ITIH4: variants seen among roughly 807,000 people sequenced by gnomAD.
ITIH4 encodes inter-alpha-trypsin inhibitor heavy chain H4.
In ITIH4, 79 loss-of-function variants were observed where a neutral mutation model predicts 111.8. The ratio of observed to expected loss-of-function variants is 0.71; its 90% CI spans 0.59 to 0.85. The LOEUF is 0.85. Ranked by LOEUF, ITIH4 falls within the 40% of genes least tolerant of loss-of-function variation. The probability of loss-of-function intolerance (pLI) is 0.00; values close to 1 mark genes in which losing one functional copy is unlikely to be tolerated. For synonymous variants in ITIH4, 472 were observed against 468.3 expected (o/e 1.01, Z -0.10); for missense variants, 1,065 against 1,195.8 (o/e 0.89, Z 1.61).
intron 2 of ITIH4, among the ~76,000 whole-genome samples, chr3:52,828,394 C>T (rs955112133): frequency 6.6e-6 from 1 of 152,206 alleles, no homozygotes; most frequent in African/African-American, 2.4e-5. Flanking sequence ...GAGACTAGCC[C>T]CCACTGCAGT....
At chr3:52,817,144 C>T (rs1700293159) in intron 20 of ITIH4, 86 bp from the exon 21 acceptor site, 1 of 1,157,092 alleles carries the variant, frequency 8.6e-7, no homozygotes, top group Non-Finnish European at 1.2e-6. Flanking sequence ...CTGATCACAC[C>T]CCCTGGAGTT....
rs754348864 is a variant in ITIH4 at position 52,825,891 on chromosome 3, T to C, written c.754A>G (p.Ile252Val). ...CTTGCCTGAAGTCCACCCACCTGAA[T>C]GGAGCCCCCGGAGATGGCCCGGTCC... ...DVDRAISGGSIQIENGYFVHY... is the reference protein window; with the variant it reads ...DVDRAISGGSVQIENGYFVHY... Residue 252 changes from isoleucine (I) to valine (V), a missense_variant, in exon 6 of 24, where the codon ATT becomes GTT. Physicochemically the swap from Ile to Val is conservative, Grantham distance 29. Transcript: ENST00000266041. 2.2e-5 allele frequency: 35 copies of C among 1,613,556 alleles called. No individual in the cohort carries two copies. Among genetic ancestry groups the C allele is most frequent in the Non-Finnish European group, 3.0e-5 (35 of 1,179,802 alleles).
intron 11 of ITIH4, among the ~76,000 whole-genome samples, chr3:52,821,543 G>T (rs986823535): frequency 2.0e-5 from 3 of 152,186 alleles, no homozygotes; most frequent in South Asian, 2.1e-4. Flanking sequence ...AGAGAGGGAA[G>T]GACCTTCCCA....
Position 52,824,412 on chromosome 3 carries a change from T to A in ITIH4, c.1030A>T (p.Ile344Phe). The A allele has an allele frequency of 1.2e-6, 2 of 1,614,158 alleles. No homozygotes were observed. Among genetic ancestry groups the A allele is most frequent in the Non-Finnish European group, 1.7e-6 (2 of 1,180,018 alleles). The change falls in exon 8 of 24, where the codon ATC (isoleucine) becomes TTC (phenylalanine). Residue 344 changes from isoleucine (I) to phenylalanine (F), a missense_variant. Physicochemically the swap from Ile to Phe is conservative, Grantham distance 21. Coordinates refer to ENST00000266041, the MANE Select transcript of ITIH4 (RefSeq NM_002218.5). This position sits in a 1 kb window ranked among gnomAD's most constrained non-coding sequence, Gnocchi z 4.3. Reference sequence around the variant, plus strand: ...AGACACTTACCTCCCAGGGCCTGGATGCCCGCAGCAAAGCTCCTGGCCTTG... The same window carrying A: ...AGACACTTACCTCCCAGGGCCTGGAAGCCCGCAGCAAAGCTCCTGGCCTTG... ...VNKARSFAAG[I>F]QALGGTNIND...
intron 14 of ITIH4, 127 bp from the exon 15 acceptor site, chr3:52,820,117 G>A (rs879161799): frequency 7.1e-6 from 9 of 1,270,408 alleles, no homozygotes; most frequent in Non-Finnish European, 9.1e-6. Flanking sequence ...ATGCACAGGC[G>A]ACTAAATGCA....
Position 52,826,000 on chromosome 3 carries a change from G to C in ITIH4, c.645C>G (p.Phe215Leu). Residue 215 changes from phenylalanine to leucine, a missense_variant, in exon 6 of 24, where the codon TTC becomes TTG. By Grantham distance (22) the Phe-to-Leu change is conservative. Transcript: ENST00000266041. ...TTTGCTGCTGGGAAAGTGTTGGCTT[G>C]AACCGGATGTGAGCCTGGAGGAATA... ...WQNKTKAHIR[F>L]KPTLSQQQKS... 2.5e-6 allele frequency: 4 copies of C among 1,614,148 alleles called. No homozygotes were observed. The highest frequency in any genetic ancestry group is 3.4e-6 in the Non-Finnish European group (4 of 1,179,998).
intron 1 of ITIH4, 81 bp from the exon 2 acceptor site, chr3:52,829,360 G>T: frequency 6.8e-7 from 1 of 1,463,186 alleles, no homozygotes; most frequent in Non-Finnish European, 9.3e-7. Context: ...AGTTGGCCCT[G>T]ACTCTGGCTC....
Position 52,827,181 on chromosome 3 carries a change from TCATGC to T in ITIH4, c.263_267del (p.Gly88AspfsTer11). 6.2e-7 allele frequency: 1 copy of T among 1,613,994 alleles called. No homozygotes were observed. Among genetic ancestry groups the T allele is most frequent in the Non-Finnish European group, 8.5e-7 (1 of 1,179,922 alleles). On this transcript the variant is annotated frameshift_variant, in exon 3 of 24. Coordinates refer to ENST00000266041, the MANE Select transcript of ITIH4 (RefSeq NM_002218.5). LOFTEE classifies it high-confidence loss of function. ...TTCTCCTTGATGATCCCTGGGTAGG[TCATGC>T]CATCGATGATCCTGGGGGCAGAAGG...
chr3:52,818,559 C>T, intron 17 of ITIH4, 23 bp from the exon 18 acceptor site: 2 of 1,583,460 alleles, frequency 1.3e-6, no homozygotes, highest in Non-Finnish European at 1.7e-6. Context: ...CATCCGGAAA[C>T]AGAAAGGGAG....
At chr3:52,822,567 G>A (rs1043026301) in intron 11 of ITIH4, among the ~76,000 whole-genome samples, 1 of 152,158 alleles carries the variant, frequency 6.6e-6, no homozygotes, top group Admixed American at 6.5e-5. Context: ...TTTATGAGGG[G>A]GGCATGCGAC....
chr3:52,826,992 G>A (rs759384574), intron 3 of ITIH4, 39 bp from the exon 4 acceptor site: 1 of 1,613,682 alleles, frequency 6.2e-7, no homozygotes, highest in South Asian at 1.1e-5. Flanking sequence ...CTCCAGGACA[G>A]GTGGGGTAAG....
At chr3:52,815,844 C>G (rs1700271589) in intron 21 of ITIH4, among the ~76,000 whole-genome samples, 1 of 151,904 alleles carries the variant, frequency 6.6e-6, no homozygotes, top group Non-Finnish European at 1.5e-5. Flanking sequence ...CGCCACCATA[C>G]CTAGCTAGTT....
At chr3:52,825,591 G>A (rs1700468178) in intron 6 of ITIH4, among the ~76,000 whole-genome samples, 1 of 152,148 alleles carries the variant, frequency 6.6e-6, no homozygotes, top group African/African-American at 2.4e-5. Flanking sequence ...CCAGAAACTA[G>A]TGTGAAAGAA....
At position 52,818,491 on chromosome 3, in the gene ITIH4, A is replaced by G. The variant is rs1700318771; in HGVS notation, c.2123T>C (p.Val708Ala). The stretch of plus-strand genomic sequence containing the variant: ...GATTTTCATATTCATGACACGAGAC[A>G]CAGCTGGATCAGGATTTGAGGTGGC... ...PPATSNPDPA[V>A]SRVMNMKIEE... The change falls in exon 18 of 24, where the codon GTG (valine) becomes GCG (alanine). Residue 708 changes from valine to alanine, a missense_variant. Val to Ala is a moderately conservative substitution (Grantham distance 64). Transcript: ENST00000266041. 6.2e-7 allele frequency: 1 copy of G among 1,605,864 alleles called. No homozygotes were observed. Among genetic ancestry groups the G allele is most frequent in the African/African-American group, 1.3e-5 (1 of 74,692 alleles).
Position 52,824,822 on chromosome 3 carries a change from CCCTG to C in ITIH4, c.876+16_876+19del. On this transcript the variant is annotated intron_variant, in intron 7 of 23. Transcript: ENST00000266041. This position sits in a 1 kb window ranked among gnomAD's most constrained non-coding sequence, Gnocchi z 4.3. ...GGGCCTGGGAGTTTTCAGGGCCCTG[CCCTG>C]GGCCACAGGACCTACCTGCTGGATT... The C allele has an allele frequency of 6.3e-7, 1 of 1,581,568 alleles. No individual in the cohort carries two copies. The highest frequency in any genetic ancestry group is 1.7e-5 in the Admixed American group (1 of 59,452).
At chr3:52,817,459 G>A (rs1700297426) in intron 20 of ITIH4, among the ~76,000 whole-genome samples, 1 of 152,218 alleles carries the variant, frequency 6.6e-6, no homozygotes, top group South Asian at 2.1e-4. Flanking sequence ...GTGAGGAAGT[G>A]GGTGACACAT....
In ITIH4 at chr3:52,813,089, T is replaced by C. The variant is rs1051347712; in HGVS notation, c.*332A>G. The stretch of plus-strand genomic sequence containing the variant: ...CCTCTAGCTGGGGGCCACAGTGACA[T>C]CTCAAATGGGTGGTTCGAGCTCAGT... On this transcript the variant is annotated 3_prime_UTR_variant, in exon 24 of 24. Transcript: ENST00000266041. The C allele has an allele frequency of 2.2e-5, 5 of 231,846 alleles. No homozygotes were observed. The highest frequency in any genetic ancestry group is 9.8e-5 in the East Asian group (1 of 10,256). 14.4% of individuals were successfully genotyped at this position (231,846 alleles called of 1,614,324 possible). A position where few individuals can be genotyped will look rare whatever the true frequency, so the allele number is the denominator to read the frequency against.
intron 21 of ITIH4, among the ~76,000 whole-genome samples, chr3:52,816,532 C>T (rs1347497123): frequency 6.6e-6 from 1 of 152,150 alleles, no homozygotes; most frequent in African/African-American, 2.4e-5. Flanking sequence ...TGGGTTCTCC[C>T]CCCAGCCTTC....
In ITIH4 at chr3:52,821,128, A is replaced by G; in HGVS notation, c.1542T>C (p.Pro514=). The G allele has an allele frequency of 6.2e-7, 1 of 1,613,048 alleles. No individual in the cohort carries two copies. Among genetic ancestry groups the G allele is most frequent in the Non-Finnish European group, 8.5e-7 (1 of 1,179,884 alleles). Residue 514 remains proline, a splice_region_variant and synonymous_variant, in exon 12 of 24, where the codon CCT becomes CCC. Coordinates refer to ENST00000266041, the MANE Select transcript of ITIH4 (RefSeq NM_002218.5). ...VLTATVSGKL[P]TQNITFQTES... is the part of the protein sequence containing the mutation. Reference sequence around the variant, plus strand: ...CCGTTTGGAAAGTGATGTTCTGTGTAGGCTGGAAAGAGGGGCCCAGCCAGG... The same window carrying G: ...CCGTTTGGAAAGTGATGTTCTGTGTGGGCTGGAAAGAGGGGCCCAGCCAGG...
Sources: allele counts gnomAD v4.1 joint callset (sites outside exome capture counted in the v4.1 genomes callset), GRCh38; gene constraint gnomAD v4.1.1; non-coding constraint Gnocchi (gnomAD v3.1); transcripts MANE v1.5; gene names NCBI Gene and HGNC (gene_info 2026-07-23, HGNC 2026-07-21).